The following RUFY1 variants were observed in gnomAD, a reference collection of about 807,000 sequenced individuals.
RUFY1 encodes RUN and FYVE domain containing 1, also known as RUN and FYVE domain-containing protein 1.
RUFY1 carries 54 observed loss-of-function variants against 94.6 expected under a neutral mutation model. The observed-to-expected ratio is 0.57, with a 90% CI of 0.46 to 0.72. RUFY1 has a LOEUF of 0.72. Ranked by LOEUF, RUFY1 falls within the 30% of genes least tolerant of loss-of-function variation. The pLI is 0.00. For missense variants in RUFY1, 883 were observed against 883.9 expected, an observed-to-expected ratio of 1.00 and a Z score of 0.01; for synonymous variants, 396 against 347.3, an observed-to-expected ratio of 1.14 and a Z score of -1.56.
At chr5:179,580,281 C>T (rs1452242034) in intron 6 of RUFY1, among the ~76,000 whole-genome samples, 11 of 135,644 alleles carry the variant, frequency 8.1e-5, no homozygotes, top group Middle Eastern at 4.3e-3. Context: ...CTCGCTCTGT[C>T]GCCCAGGCTG....
chr5:179,594,630 G>A (rs1257540703), intron 11 of RUFY1, among the ~76,000 whole-genome samples: 3 of 143,814 alleles, frequency 2.1e-5, no homozygotes, highest in African/African-American at 5.2e-5. Flanking sequence ...ATGTGGTGGC[G>A]GGCGCCTGTA....
chr5:179,562,165 G>A (rs1762508965), intron 2 of RUFY1, among the ~76,000 whole-genome samples: 1 of 151,774 alleles, frequency 6.6e-6, no homozygotes, highest in Non-Finnish European at 1.5e-5. Context: ...TGTTATCCCA[G>A]CACTTTGGGA....
At chr5:179,587,845 A>G (rs1764737357) in intron 8 of RUFY1, among the ~76,000 whole-genome samples, 1 of 151,978 alleles carries the variant, frequency 6.6e-6, no homozygotes, top group Non-Finnish European at 1.5e-5. Context: ...CAGCCTGGGC[A>G]ACATGGCAAC....
Position 179,585,905 on chromosome 5 carries a change from G to T in RUFY1, c.1026+40G>T. 3 of 1,479,738 alleles carry T rather than the reference G, an allele frequency of 2.0e-6. No individual in the cohort carries two copies. The South Asian group carries it at 3.4e-5, about 17-fold the overall frequency. 91.7% of individuals were successfully genotyped at this position (1,479,738 alleles called of 1,614,324 possible). On this transcript the variant is annotated intron_variant, in intron 8 of 17. Transcript: ENST00000319449. Reference sequence around the variant, plus strand: ...TTGAAATTTTTAGACAAAACAGAATGACCCAAGGTTAAGAGAATCTGTGTA... The same window carrying T: ...TTGAAATTTTTAGACAAAACAGAATTACCCAAGGTTAAGAGAATCTGTGTA...
rs73809494 is a variant in RUFY1 at position 179,603,468 on chromosome 5, C to T, written c.1856+1482C>T. The T allele has an allele frequency of 9.4e-3, 1,431 of 152,708 alleles. 29 individuals are homozygous for T. Among genetic ancestry groups the T allele is most frequent in the African/African-American group, 0.031 (1,276 of 41,434 alleles). 9.5% of individuals were successfully genotyped at this position (152,708 alleles called of 1,614,324 possible). A position where few individuals can be genotyped will look rare whatever the true frequency, so the allele number is the denominator to read the frequency against. On this transcript the variant is annotated intron_variant, in intron 15 of 17. Coordinates refer to ENST00000319449, the MANE Select transcript of RUFY1 (RefSeq NM_025158.5). ...CTCAGCTGAGTGCCCTGTGCTGCTC[C>T]CGTCTGGCCTGTCAACTTGCCGTGC...
chr5:179,559,511 G>T (rs1429873236), intron 1 of RUFY1, among the ~76,000 whole-genome samples: 1 of 152,180 alleles, frequency 6.6e-6, no homozygotes, highest in Non-Finnish European at 1.5e-5. Flanking sequence ...AAGCCTTCTG[G>T]GCGGGGTGCG....
At chr5:179,597,639 T>C (rs1765803707) in intron 13 of RUFY1, among the ~76,000 whole-genome samples, 1 of 152,230 alleles carries the variant, frequency 6.6e-6, no homozygotes, top group Non-Finnish European at 1.5e-5. Context: ...CCCAGAATGC[T>C]AGGATTACAA....
At chr5:179,592,003 T>C (rs573316839) in intron 10 of RUFY1, among the ~76,000 whole-genome samples, 1 of 152,350 alleles carries the variant, frequency 6.6e-6, no homozygotes, top group East Asian at 1.9e-4. Flanking sequence ...TGGAGTGCGA[T>C]GGCGCGATCT....
chr5:179,602,143 CAG>C (rs1766499876), intron 15 of RUFY1, 157 bp downstream of exon 15: 2 of 630,354 alleles, frequency 3.2e-6, no homozygotes, highest in Admixed American at 5.6e-5. Context: ...AGCCCGGCCT[CAG>C]AGGGGCCCAG....
intron 1 of RUFY1, among the ~76,000 whole-genome samples, chr5:179,557,607 A>G (rs886542951): frequency 6.6e-6 from 1 of 152,184 alleles, no homozygotes; most frequent in Admixed American, 6.5e-5. Context: ...TGTATTTCAA[A>G]TCCATTTTCA....
rs145048480 is a variant in RUFY1 at position 179,607,613 on chromosome 5, C to T, written c.1937C>T (p.Thr646Ile). Reference protein sequence around the residue: ...GHAWLKDDEATHCRQCEKEFS... With the variant: ...GHAWLKDDEAIHCRQCEKEFS... Reference sequence around the variant, plus strand: ...GCCTGGCTGAAAGATGACGAAGCGACACACTGTAGGCAGTGTGAGAAGGAG... The same window carrying T: ...GCCTGGCTGAAAGATGACGAAGCGATACACTGTAGGCAGTGTGAGAAGGAG... Residue 646 changes from threonine to isoleucine, a missense_variant, in exon 17 of 18, where the codon ACA becomes ATA. Thr to Ile is a moderately conservative substitution (Grantham distance 89). Coordinates refer to ENST00000319449, the MANE Select transcript of RUFY1 (RefSeq NM_025158.5). The T allele has an allele frequency of 3.1e-6, 5 of 1,614,134 alleles. No homozygotes were observed. In the African/African-American group the frequency reaches 5.3e-5, roughly 17 times the overall value.
At chr5:179,583,170 C>G (rs559265687) in intron 7 of RUFY1, among the ~76,000 whole-genome samples, 23 of 151,614 alleles carry the variant, frequency 1.5e-4, no homozygotes, top group African/African-American at 5.1e-4. Context: ...GGCATGGTGG[C>G]GGGCATCTGT....
chr5:179,559,816 C>T (rs1762299004), intron 1 of RUFY1: 3 of 1,330,228 alleles, frequency 2.3e-6, no homozygotes, highest in Admixed American at 7.1e-5. Flanking sequence ...GCTCTTCTGA[C>T]CCAAGGCCCC....
At chr5:179,595,464 G>A (rs1229004160) in intron 12 of RUFY1, among the ~76,000 whole-genome samples, 1 of 152,056 alleles carries the variant, frequency 6.6e-6, no homozygotes, top group Non-Finnish European at 1.5e-5. Flanking sequence ...TTCAGATCAT[G>A]AGCCACTAGA....
chr5:179,569,483 G>A, intron 5 of RUFY1, 58 bp downstream of exon 5: 1 of 1,571,910 alleles, frequency 6.4e-7, no homozygotes, highest in Non-Finnish European at 8.7e-7. Flanking sequence ...ACTTTACATA[G>A]GATCTGCAAA....
chr5:179,553,201 C>T (rs546615117), intron 1 of RUFY1, among the ~76,000 whole-genome samples: 3 of 152,340 alleles, frequency 2.0e-5, no homozygotes, highest in East Asian at 1.9e-4. Flanking sequence ...TTGCACCCTC[C>T]GAATCTCAGG....
chr5:179,578,617 A>T (rs1318828737), intron 6 of RUFY1, among the ~76,000 whole-genome samples: 1 of 151,708 alleles, frequency 6.6e-6, no homozygotes, highest in Admixed American at 6.6e-5. Context: ...AATGTATAAC[A>T]TACTACCATT....
chr5:179,562,766 A>G (rs1005005958), intron 3 of RUFY1, 102 bp downstream of exon 3: 3 of 713,014 alleles, frequency 4.2e-6, no homozygotes, highest in Admixed American at 2.2e-5. Context: ...AATTGGAAAG[A>G]GCTCTGCTGC....
chr5:179,578,706 C>T (rs1026795946), intron 6 of RUFY1, among the ~76,000 whole-genome samples: 4 of 152,082 alleles, frequency 2.6e-5, no homozygotes, highest in Non-Finnish European at 5.9e-5. Flanking sequence ...TGCAGTGGCA[C>T]GATCTTGGCT....
Sources: allele counts gnomAD v4.1 joint callset (sites outside exome capture counted in the v4.1 genomes callset), GRCh38; gene constraint gnomAD v4.1.1; transcripts MANE v1.5; gene names NCBI Gene and HGNC (gene_info 2026-07-23, HGNC 2026-07-21).